Variants in CD47 observed in about 807,000 individuals in gnomAD.
The protein encoded by CD47 is CD47 molecule.
CD47 carries 11 observed loss-of-function variants against 44.6 expected under a neutral mutation model. That is an observed-to-expected ratio of 0.25 (90% confidence interval 0.16 to 0.41). CD47 has a LOEUF of 0.41. Among genes scored for constraint, CD47 ranks in the 10% least tolerant of loss-of-function variants. The pLI is 1.00. For synonymous variants in CD47, 140 were observed against 136.3 expected (o/e 1.03, Z -0.19); for missense variants, 306 against 386.7 (o/e 0.79, Z 1.75).
chr3:108,070,551 G>A (rs766622223), intron 3 of CD47, among the ~76,000 whole-genome samples: 1 of 152,158 alleles, frequency 6.6e-6, no homozygotes, highest in Non-Finnish European at 1.5e-5. Context: ...AGGAAAGCAA[G>A]ATCAAAGAAC....
Position 108,062,190 on chromosome 3 carries a change from GT to G in CD47, c.491-1339del, listed in dbSNP as rs1225028015. On this transcript the variant is annotated intron_variant, in intron 3 of 10. Coordinates refer to ENST00000361309, the MANE Select transcript of CD47 (RefSeq NM_001777.4). Reference sequence around the variant, plus strand: ...AAACATCCTATGGCAAGTTCCCCAAGTTTTTATTTGATTCATTACTTCCGCC... The same window carrying G: ...AAACATCCTATGGCAAGTTCCCCAAGTTTTATTTGATTCATTACTTCCGCC... Among the ~76,000 whole-genome samples, 4 of 152,198 alleles carry G rather than the reference GT, an allele frequency of 2.6e-5. No individual in the cohort carries two copies. In the East Asian group the frequency reaches 7.7e-4, roughly 29 times the overall value.
intron 10 of CD47, among the ~76,000 whole-genome samples, chr3:108,047,733 G>A (rs577979642): frequency 6.6e-6 from 1 of 152,276 alleles, no homozygotes; most frequent in East Asian, 1.9e-4. Context: ...CATTGACAAG[G>A]CAGACATACT....
intron 2 of CD47, among the ~76,000 whole-genome samples, chr3:108,078,232 A>C (rs2079345777): frequency 6.6e-6 from 1 of 152,124 alleles, no homozygotes; most frequent in Non-Finnish European, 1.5e-5. Context: ...TCTCTATAAT[A>C]AAACAATACT....
chr3:108,080,989 C>T (rs889331180), intron 1 of CD47, among the ~76,000 whole-genome samples: 4 of 151,624 alleles, frequency 2.6e-5, no homozygotes, highest in Admixed American at 2.6e-4. Flanking sequence ...ATATAGGCAG[C>T]AATAGACATT....
intron 1 of CD47, among the ~76,000 whole-genome samples, chr3:108,084,753 C>T (rs1261262382): frequency 6.6e-6 from 1 of 152,068 alleles, no homozygotes; most frequent in African/African-American, 2.4e-5. Context: ...CTAAGAATCA[C>T]ATTAGATTAC....
intron 1 of CD47, among the ~76,000 whole-genome samples, chr3:108,087,384 G>A (rs2079542182): frequency 6.6e-6 from 1 of 152,070 alleles, no homozygotes; most frequent in Non-Finnish European, 1.5e-5. Context: ...AATGGAAGAG[G>A]CCAACTTAGA....
chr3:108,073,630 T>A (rs1267394455), intron 2 of CD47, among the ~76,000 whole-genome samples: 2 of 152,186 alleles, frequency 1.3e-5, no homozygotes, highest in Non-Finnish European at 2.9e-5. Flanking sequence ...TGGGAAGAGT[T>A]TGCTGGGGCA....
At chr3:108,079,567 T>TAAAAAAAAAAAAA (rs71629342) in intron 2 of CD47, among the ~76,000 whole-genome samples, 30 of 53,118 alleles carry the variant, frequency 5.6e-4, no homozygotes, top group East Asian at 1.0e-3. Context: ...AGTGTAAGGT[T>TAAAAAAAAAAAAA]AAAAAAAAAA....
chr3:108,063,585 T>C (rs1235737727), intron 3 of CD47, among the ~76,000 whole-genome samples: 3 of 152,200 alleles, frequency 2.0e-5, no homozygotes, highest in Non-Finnish European at 2.9e-5. Context: ...TCTTTTCTTG[T>C]CCTTCAGTAA....
At chr3:108,083,198 G>C (rs902485182) in intron 1 of CD47, among the ~76,000 whole-genome samples, 4 of 151,940 alleles carry the variant, frequency 2.6e-5, no homozygotes, top group Admixed American at 2.6e-4. Context: ...CAGAGTTATA[G>C]ATAAATTAGC....
At chr3:108,075,741 T>C (rs1332965401) in intron 2 of CD47, among the ~76,000 whole-genome samples, 1 of 152,198 alleles carries the variant, frequency 6.6e-6, no homozygotes, top group East Asian at 1.9e-4. Flanking sequence ...GCTGATGTAA[T>C]TAAGATCCCA....
At chr3:108,070,605 C>T (rs1037394234) in intron 3 of CD47, among the ~76,000 whole-genome samples, 1 of 152,100 alleles carries the variant, frequency 6.6e-6, no homozygotes, top group Non-Finnish European at 1.5e-5. Flanking sequence ...CAGAACTGCA[C>T]GCAGAGGATG....
Position 108,059,496 on chromosome 3 carries a change from GAA to G in CD47, c.645_646del (p.Ser216TyrfsTer13). On this transcript the variant is annotated frameshift_variant, in exon 5 of 11. Coordinates refer to ENST00000361309, the MANE Select transcript of CD47 (RefSeq NM_001777.4). LOFTEE classifies it high-confidence loss of function. The stretch of plus-strand genomic sequence containing the variant: ...GTGAAGTAATATTAATATCCCTGTA[GAA>G]GTCACAATTAAACCAAGGCCAGTAG... The G allele has an allele frequency of 6.5e-7, 1 of 1,529,786 alleles. No individual in the cohort carries two copies. Among genetic ancestry groups the G allele is most frequent in the Non-Finnish European group, 8.8e-7 (1 of 1,131,614 alleles). 94.8% of individuals were successfully genotyped at this position (1,529,786 alleles called of 1,614,324 possible).
At chr3:108,085,146 T>C (rs1373558528) in intron 1 of CD47, among the ~76,000 whole-genome samples, 1 of 152,106 alleles carries the variant, frequency 6.6e-6, no homozygotes, top group African/African-American at 2.4e-5. Context: ...AATGACGTTA[T>C]TGCAATTCCA....
intron 7 of CD47, chr3:108,054,473 T>C (rs1159757897): frequency 6.6e-6 from 1 of 152,194 alleles, no homozygotes; most frequent in Admixed American, 6.5e-5. Flanking sequence ...CTCTCCAATA[T>C]GGATATAACC....
intron 1 of CD47, among the ~76,000 whole-genome samples, chr3:108,090,348 A>C (rs957699434): frequency 6.6e-6 from 1 of 152,154 alleles, no homozygotes; most frequent in Admixed American, 6.5e-5. Context: ...TCCTATGTTC[A>C]TGTGGGAGGC....
At chr3:108,059,640 A>G (rs1230656353) in intron 4 of CD47, 96 bp from the exon 5 acceptor site, 1 of 540,228 alleles carries the variant, frequency 1.9e-6, no homozygotes, top group East Asian at 3.5e-5. Context: ...AATTTTAAAA[A>G]TATACGTTTC....
chr3:108,057,215 A>T (rs2078926457), intron 7 of CD47, among the ~76,000 whole-genome samples: 1 of 152,166 alleles, frequency 6.6e-6, no homozygotes, highest in Non-Finnish European at 1.5e-5. Context: ...TTTGGAAACC[A>T]AATTTTCATT....
chr3:108,089,238 G>T (rs926206733), intron 1 of CD47, among the ~76,000 whole-genome samples: 2 of 151,948 alleles, frequency 1.3e-5, no homozygotes, highest in Non-Finnish European at 2.9e-5. Flanking sequence ...TATTAACTAA[G>T]TAAAATAAAA....
Sources: allele counts gnomAD v4.1 joint callset (sites outside exome capture counted in the v4.1 genomes callset), GRCh38; gene constraint gnomAD v4.1.1; transcripts MANE v1.5; gene names NCBI Gene and HGNC (gene_info 2026-07-23, HGNC 2026-07-21).